Variants in SYNPR observed in about 807,000 individuals in gnomAD.
SYNPR encodes the protein synaptoporin.
SYNPR carries 23 observed loss-of-function variants against 32.9 expected under a neutral mutation model. That is an observed-to-expected ratio of 0.70 (90% confidence interval 0.50 to 0.99). The LOEUF (loss-of-function observed/expected upper bound fraction) is 0.99. SYNPR is among the 50% of genes least tolerant of loss of function. The pLI, the probability that SYNPR is intolerant of heterozygous loss-of-function variation, is 0.00. For synonymous variants in SYNPR, 146 were observed against 135.9 expected (o/e 1.07, Z -0.52); for missense variants, 318 against 349.3 (o/e 0.91, Z 0.71).
At position 63,530,281 on chromosome 3, in the gene SYNPR, C is replaced by T. The variant is rs11924538; in HGVS notation, c.210-26262C>T. Among the ~76,000 whole-genome samples the T allele has an allele frequency of 2.9e-3, 443 of 152,246 alleles. 1 individual carries two copies. Among genetic ancestry groups the T allele is most frequent in the African/African-American group, 0.01 (418 of 41,530 alleles). ...GCCTTTTTTGTAGGGTGAGGGGGCA[C>T]ACCTAACCTGGCAGTCATGGCCGGC... On this transcript the variant is annotated intron_variant, in intron 3 of 5. Coordinates refer to ENST00000478300, the MANE Select transcript of SYNPR (RefSeq NM_001130003.2).
At chr3:63,314,230 G>A (rs1002939001) in intron 2 of SYNPR, among the ~76,000 whole-genome samples, 7 of 150,494 alleles carry the variant, frequency 4.7e-5, no homozygotes, top group Non-Finnish European at 1.0e-4. Flanking sequence ...TTTCCTCCAG[G>A]TAGATACCCA....
intron 1 of SYNPR, among the ~76,000 whole-genome samples, chr3:63,250,204 G>A (rs1194313864): frequency 6.6e-6 from 1 of 152,096 alleles, no homozygotes; most frequent in Admixed American, 6.6e-5. Context: ...AGACCACAAA[G>A]GAATTGTAAA....
At position 63,471,730 on chromosome 3, in the gene SYNPR, C is replaced by T. The variant is rs75118500; in HGVS notation, c.85-9102C>T. Reference sequence around the variant, plus strand: ...TAATCAGCTTTGTTCCCAGAAATGCCCTTTGGGGGTGTTGAGGACTAATCA... The same window carrying T: ...TAATCAGCTTTGTTCCCAGAAATGCTCTTTGGGGGTGTTGAGGACTAATCA... On this transcript the variant is annotated intron_variant, in intron 2 of 5. Transcript: ENST00000478300. Among the ~76,000 whole-genome samples, 1,371 of 152,156 alleles carry T rather than the reference C, an allele frequency of 9.0e-3. 55 individuals are homozygous for T. The East Asian group carries it at 0.13, about 15-fold the overall frequency.
At chr3:63,496,470 A>G (rs1701376133) in intron 3 of SYNPR, among the ~76,000 whole-genome samples, 1 of 152,118 alleles carries the variant, frequency 6.6e-6, no homozygotes, top group Non-Finnish European at 1.5e-5. Context: ...TCACTATCAC[A>G]AACAATGGTA....
intron 2 of SYNPR, chr3:63,443,602 C>G (rs891686927): frequency 9.7e-7 from 1 of 1,030,422 alleles, no homozygotes; most frequent in Non-Finnish European, 1.4e-6. Flanking sequence ...GTAATAATCT[C>G]TATTTTTCTT....
At chr3:63,435,134 C>T (rs1700058237) in intron 2 of SYNPR, among the ~76,000 whole-genome samples, 1 of 152,174 alleles carries the variant, frequency 6.6e-6, no homozygotes, top group Non-Finnish European at 1.5e-5. Flanking sequence ...TGCGCACATT[C>T]GCAAGACTGG....
Position 63,278,312 on chromosome 3 carries a change from C to T in SYNPR, c.-222C>T. 1.7e-6 allele frequency: 1 copy of T among 592,386 alleles called. No individual in the cohort carries two copies. The highest frequency in any genetic ancestry group is 3.0e-6 in the Non-Finnish European group (1 of 332,508). The allele number at this position is 592,386 out of a possible 1,614,324, so 36.7% of individuals were successfully genotyped here. A position where few individuals can be genotyped will look rare whatever the true frequency, so the allele number is the denominator to read the frequency against. ...TGCCCCAGCTCTTCCCTGCCCACCC[C>T]TCGCTGACTCGCTTCGCTTCCCCGA... On this transcript the variant is annotated 5_prime_UTR_variant, in exon 1 of 6. Coordinates refer to ENST00000478300, the MANE Select transcript of SYNPR (RefSeq NM_001130003.2).
intron 2 of SYNPR, among the ~76,000 whole-genome samples, chr3:63,356,451 C>T (rs1036540673): frequency 2.0e-5 from 3 of 152,164 alleles, no homozygotes; most frequent in African/African-American, 7.2e-5. Context: ...TTAGTTAATC[C>T]TCACAATGAC....
the SYNPR span, among the ~76,000 whole-genome samples, chr3:63,214,387 C>T: frequency 2.7e-5 from 1 of 36,536 alleles, no homozygotes; most frequent in African/African-American, 9.1e-5. Context: ...AATTTCAGAG[C>T]CTGTTATTGG....
Position 63,609,220 on chromosome 3 carries a change from C to G in SYNPR, c.504C>G (p.Pro168=), listed in dbSNP as rs1452170391. Reference sequence around the variant, plus strand: ...CTGACGTCAAAGTTGCAACGGATCCCAAGGAAGTATTGCTACTAATGTCAG... The same window carrying G: ...CTGACGTCAAAGTTGCAACGGATCCGAAGGAAGTATTGCTACTAATGTCAG... ...GLSDVKVATD[P]KEVLLLMSAC... Residue 168 remains proline (P), a synonymous_variant, in exon 5 of 6, where the codon CCC becomes CCG. Transcript: ENST00000478300. The G allele has an allele frequency of 6.2e-7, 1 of 1,609,356 alleles. No homozygotes were observed. The highest frequency in any genetic ancestry group is 1.3e-5 in the African/African-American group (1 of 74,858).
chr3:63,505,076 A>G (rs1575680442), intron 3 of SYNPR, among the ~76,000 whole-genome samples: 1 of 152,200 alleles, frequency 6.6e-6, no homozygotes, highest in East Asian at 1.9e-4. Context: ...GCATACTGTC[A>G]GTGATCAGTG....
upstream of SYNPR, among the ~76,000 whole-genome samples, chr3:63,277,703 T>C (rs1280493392): frequency 6.6e-6 from 1 of 152,176 alleles, no homozygotes; most frequent in Non-Finnish European, 1.5e-5. Context: ...GTCCTGGTCC[T>C]CTCTCTGGCA....
intron 4 of SYNPR, among the ~76,000 whole-genome samples, chr3:63,596,845 T>C (rs1381729719): frequency 6.6e-6 from 1 of 152,190 alleles, no homozygotes; most frequent in Non-Finnish European, 1.5e-5. Context: ...CTTCCATTTG[T>C]TAATTGTGGA....
intron 1 of SYNPR, among the ~76,000 whole-genome samples, chr3:63,241,274 G>C (rs917061466): frequency 2.6e-5 from 4 of 152,108 alleles, no homozygotes; most frequent in African/African-American, 9.7e-5. Context: ...TCTGAGTAAG[G>C]TGAAAGGTGA....
intron 1 of SYNPR, among the ~76,000 whole-genome samples, chr3:63,248,196 C>G (rs2086306001): frequency 6.6e-6 from 1 of 152,120 alleles, no homozygotes; most frequent in South Asian, 2.1e-4. Context: ...CCCCCAAAAC[C>G]TGTTAATGCT....
chr3:63,404,404 A>G (rs543163273), intron 2 of SYNPR, among the ~76,000 whole-genome samples: 1 of 152,322 alleles, frequency 6.6e-6, no homozygotes, highest in African/African-American at 2.4e-5. Context: ...ATTATGTAGT[A>G]TATATGAAGG....
chr3:63,311,020 C>T lies in SYNPR; in HGVS notation c.84+32278C>T, dbSNP rs140428183. Among the ~76,000 whole-genome samples, 17 of 139,228 alleles carry T rather than the reference C, an allele frequency of 1.2e-4. No homozygotes were observed. The East Asian group carries it at 3.4e-3, about 28-fold the overall frequency. The allele number at this position is 139,228 out of a possible 152,430, so 91.3% of individuals were successfully genotyped here. On this transcript the variant is annotated intron_variant, in intron 2 of 5. Coordinates refer to ENST00000478300, the MANE Select transcript of SYNPR (RefSeq NM_001130003.2). ...AGATGTCATTTATGTGGTATCCTTC[C>T]CACATTTTTCAAAAAATCAGATATG...
intron 2 of SYNPR, among the ~76,000 whole-genome samples, chr3:63,480,614 A>C (rs1048539316): frequency 6.6e-6 from 1 of 152,162 alleles, no homozygotes; most frequent in African/African-American, 2.4e-5. Flanking sequence ...TTATTCTCCA[A>C]GCCACATTTC....
chr3:63,451,987 T>C, intron 2 of SYNPR: 1 of 668,236 alleles, frequency 1.5e-6, no homozygotes, highest in Non-Finnish European at 2.7e-6. Flanking sequence ...CTGAGGCATT[T>C]GGAAGACACC....
Sources: gnomAD v4.1 joint callset for allele counts (sites outside exome capture counted in the v4.1 genomes callset) on GRCh38, gnomAD v4.1.1 for gene constraint, MANE v1.5 for transcripts, NCBI Gene and HGNC (gene_info 2026-07-23, HGNC 2026-07-21) for gene names.